SH3RF3: variants seen among roughly 807,000 people sequenced by gnomAD.
SH3RF3 encodes E3 ubiquitin-protein ligase SH3RF3.
In SH3RF3, 29 loss-of-function variants were observed where a neutral mutation model predicts 66.3. The observed-to-expected ratio is 0.44, with a 90% CI of 0.33 to 0.60. The LOEUF (loss-of-function observed/expected upper bound fraction) is 0.60, where lower values mean the gene tolerates loss of function less well. Among genes scored for constraint, SH3RF3 ranks in the 20% least tolerant of loss-of-function variants. The probability of loss-of-function intolerance (pLI) is 0.04; values close to 1 mark genes in which losing one functional copy is unlikely to be tolerated. For synonymous variants in SH3RF3, 583 were observed against 532.0 expected (o/e 1.10, Z -1.32); for missense variants, 1,194 against 1,190.9 (o/e 1.00, Z -0.04).
intron 1 of SH3RF3, among the ~76,000 whole-genome samples, chr2:109,186,450 G>A (rs75873643): frequency 6.6e-6 from 1 of 152,336 alleles, no homozygotes; most frequent in East Asian, 1.9e-4. Context: ...ACACTTCACC[G>A]CCGTGCTGGA....
intron 1 of SH3RF3, among the ~76,000 whole-genome samples, chr2:109,144,953 C>A (rs182027331): frequency 6.6e-6 from 1 of 152,228 alleles, no homozygotes; most frequent in Non-Finnish European, 1.5e-5. Context: ...CGTTCAGTGC[C>A]GATCTCAGGG....
chr2:109,483,235 C>A (rs1002501735), intron 8 of SH3RF3, among the ~76,000 whole-genome samples: 2 of 152,188 alleles, frequency 1.3e-5, no homozygotes, highest in African/African-American at 2.4e-5. Context: ...AAATAATAAT[C>A]AAAAAACTTC....
intron 1 of SH3RF3, among the ~76,000 whole-genome samples, chr2:109,237,714 T>G (rs1679682578): frequency 6.6e-6 from 1 of 152,230 alleles, no homozygotes; most frequent in South Asian, 2.1e-4. Flanking sequence ...TGGACACTCC[T>G]ACTTTTAAAT....
chr2:109,377,225 G>T (rs1683409657), intron 3 of SH3RF3, among the ~76,000 whole-genome samples: 2 of 152,208 alleles, frequency 1.3e-5, no homozygotes, highest in South Asian at 2.1e-4. Context: ...TGGCTAATAA[G>T]AAGTGTGAAG....
At chr2:109,319,614 C>T (rs1260946355) in intron 1 of SH3RF3, among the ~76,000 whole-genome samples, 1 of 152,258 alleles carries the variant, frequency 6.6e-6, no homozygotes, top group East Asian at 1.9e-4. Flanking sequence ...ACTCCCCCAT[C>T]TTCTCTTATC....
At chr2:109,442,110 GA>G (rs201796934) in intron 7 of SH3RF3, among the ~76,000 whole-genome samples, 1,917 of 152,240 alleles carry the variant, frequency 0.013, 43 homozygotes, top group African/African-American at 0.043. Context: ...AGGAGATTGA[GA>G]CCATCCTGGC....
At chr2:109,165,721 T>C (rs993155320) in intron 1 of SH3RF3, among the ~76,000 whole-genome samples, 7 of 152,146 alleles carry the variant, frequency 4.6e-5, no homozygotes, top group African/African-American at 1.7e-4. Flanking sequence ...TGGGGAGGCT[T>C]TCTGCTGCCC....
intron 1 of SH3RF3, among the ~76,000 whole-genome samples, chr2:109,222,553 G>A (rs1679280358): frequency 6.6e-6 from 1 of 152,182 alleles, no homozygotes; most frequent in Non-Finnish European, 1.5e-5. Flanking sequence ...GCAAGGGTGA[G>A]AGGCCAGGAG....
intron 1 of SH3RF3, among the ~76,000 whole-genome samples, chr2:109,326,778 C>T (rs1231900176): frequency 6.6e-6 from 1 of 152,244 alleles, no homozygotes; most frequent in Non-Finnish European, 1.5e-5. Context: ...GTAACTGTTT[C>T]AGTCCTTCCC....
intron 4 of SH3RF3, among the ~76,000 whole-genome samples, chr2:109,407,571 T>C (rs551061243): frequency 1.3e-5 from 2 of 152,314 alleles, no homozygotes; most frequent in Non-Finnish European, 2.9e-5. Context: ...GCCCCCAGAC[T>C]TACTGCTTAT....
intron 1 of SH3RF3, among the ~76,000 whole-genome samples, chr2:109,198,491 A>G (rs1053742282): frequency 6.6e-6 from 1 of 152,194 alleles, no homozygotes; most frequent in Non-Finnish European, 1.5e-5. Flanking sequence ...TCAGGCTGCT[A>G]TAACAAAATA....
intron 8 of SH3RF3, among the ~76,000 whole-genome samples, chr2:109,489,794 G>A (rs182674246): frequency 0.017 from 2,623 of 152,258 alleles, 66 homozygotes; most frequent in African/African-American, 0.058. Context: ...CTGGAGTGCA[G>A]TGGCGCAATC....
chr2:109,397,266 C>T (rs1676172425), intron 3 of SH3RF3, among the ~76,000 whole-genome samples: 2 of 151,734 alleles, frequency 1.3e-5, no homozygotes, highest in African/African-American at 4.9e-5. Flanking sequence ...GGGAGATCTG[C>T]CCAGAGGGCA....
intron 7 of SH3RF3, among the ~76,000 whole-genome samples, chr2:109,445,142 C>T (rs905225354): frequency 4.6e-5 from 7 of 152,118 alleles, no homozygotes; most frequent in African/African-American, 1.7e-4. Context: ...ATCCAGAATA[C>T]AGAGCAGAGA....
At chr2:109,354,533 T>G (rs1682906482) in intron 2 of SH3RF3, among the ~76,000 whole-genome samples, 1 of 152,232 alleles carries the variant, frequency 6.6e-6, no homozygotes, top group South Asian at 2.1e-4. Context: ...GCACTGGATG[T>G]GGGTTTATCC....
At chr2:109,377,731 G>A (rs1015748882) in intron 3 of SH3RF3, among the ~76,000 whole-genome samples, 2 of 152,178 alleles carry the variant, frequency 1.3e-5, no homozygotes, top group East Asian at 1.9e-4. Context: ...TGATGATAGC[G>A]TGCCTCATCA....
In SH3RF3 at chr2:109,255,768, T is replaced by G. The variant is rs191216779; in HGVS notation, c.574-91906T>G. On this transcript the variant is annotated intron_variant, in intron 1 of 9. Coordinates refer to ENST00000309415, the MANE Select transcript of SH3RF3 (RefSeq NM_001099289.3). Reference sequence around the variant, plus strand: ...GCCAGAATCTCTGCTGAATCTCAGCTTCCTGATTTAATGAAGACAAGGAAA... The same window carrying G: ...GCCAGAATCTCTGCTGAATCTCAGCGTCCTGATTTAATGAAGACAAGGAAA... 3.5e-3 allele frequency among the ~76,000 whole-genome samples: 526 copies of G among 152,338 alleles called. 3 individuals are homozygous for G. The highest frequency in any genetic ancestry group is 5.3e-3 in the Non-Finnish European group (361 of 68,036).
intron 4 of SH3RF3, among the ~76,000 whole-genome samples, chr2:109,417,287 C>A (rs1055285747): frequency 6.6e-6 from 1 of 152,172 alleles, no homozygotes; most frequent in Admixed American, 6.5e-5. Context: ...CCCCCACCTA[C>A]ACCTCCATGG....
intron 1 of SH3RF3, among the ~76,000 whole-genome samples, chr2:109,191,897 T>G (rs1044957182): frequency 6.6e-6 from 1 of 152,132 alleles, no homozygotes; most frequent in Non-Finnish European, 1.5e-5. Context: ...CTATTATTAT[T>G]TTCAACAGAA....
Sources: gnomAD v4.1 joint callset for allele counts (sites outside exome capture counted in the v4.1 genomes callset) on GRCh38, gnomAD v4.1.1 for gene constraint, MANE v1.5 for transcripts, NCBI Gene and HGNC (gene_info 2026-07-23, HGNC 2026-07-21) for gene names.